Variants in GADL1 observed in about 807,000 individuals in gnomAD.
GADL1 encodes the protein GAD like acidic amino acid decarboxylase 1, also known as acidic amino acid decarboxylase GADL1.
GADL1 carries 71 observed loss-of-function variants against 69.5 expected under a neutral mutation model. The ratio of observed to expected loss-of-function variants is 1.02; its 90% confidence interval spans 0.84 to 1.25. GADL1 has a LOEUF of 1.25. GADL1 is among the 50% of genes most tolerant of loss of function. The pLI is 0.00. For synonymous variants in GADL1, 254 were observed against 214.4 expected (o/e 1.18, Z -1.62); for missense variants, 737 against 631.8 (o/e 1.17, Z -1.79).
chr3:30,867,236 A>C (rs946157347), intron 1 of GADL1, among the ~76,000 whole-genome samples: 4 of 151,854 alleles, frequency 2.6e-5, no homozygotes, highest in African/African-American at 4.8e-5. Context: ...CATTTATATT[A>C]ATAATACTGA....
chr3:30,880,165 C>T (rs1270653081), intron 1 of GADL1, among the ~76,000 whole-genome samples: 1 of 151,830 alleles, frequency 6.6e-6, no homozygotes, highest in Non-Finnish European at 1.5e-5. Context: ...TTTTTAAAAA[C>T]CAACAATGAC....
chr3:30,779,036 A>T (rs948288060), intron 13 of GADL1: 1 of 152,210 alleles, frequency 6.6e-6, no homozygotes, highest in Non-Finnish European at 1.5e-5. Flanking sequence ...ATCATAACCC[A>T]GTTATCTTCC....
intron 1 of GADL1, among the ~76,000 whole-genome samples, chr3:30,875,781 T>C (rs1381814999): frequency 6.6e-6 from 1 of 151,848 alleles, no homozygotes; most frequent in Admixed American, 6.6e-5. Context: ...TGAAGTCAAA[T>C]GCCGTGATGG....
rs770223371 is a variant in GADL1 at position 30,778,231 on chromosome 3, G to A, written c.1340C>T (p.Pro447Leu). 36 of 1,612,186 alleles carry A rather than the reference G, an allele frequency of 2.2e-5. 1 individual carries two copies. The highest frequency in any genetic ancestry group is 3.3e-4 in the Middle Eastern group (2 of 6,052). The change falls in exon 14 of 15, where the codon CCG (proline) becomes CTG (leucine). Residue 447 changes from proline to leucine, a missense_variant. Coordinates refer to ENST00000282538, the MANE Select transcript of GADL1 (RefSeq NM_207359.3). ...TCCTTCTTCCATCTCTCTGAGGCTC[G>A]GTGGAATGTACCAAAAGCAAATATT... ...YANICFWYIP[P>L]SLREMEEGPE... is the part of the protein sequence containing the mutation.
At chr3:30,884,168 C>T (rs977276433) in intron 1 of GADL1, among the ~76,000 whole-genome samples, 1 of 151,978 alleles carries the variant, frequency 6.6e-6, no homozygotes, top group African/African-American at 2.4e-5. Context: ...CCGTCTCTAA[C>T]TTGAAAAGCA....
chr3:30,751,672 C>A (rs528773631), intron 14 of GADL1, among the ~76,000 whole-genome samples: 1 of 152,124 alleles, frequency 6.6e-6, no homozygotes, highest in Non-Finnish European at 1.5e-5. Flanking sequence ...TAAGCCCACC[C>A]CTTCATCTAG....
chr3:30,871,115 G>A (rs1698476511), intron 1 of GADL1, among the ~76,000 whole-genome samples: 1 of 148,312 alleles, frequency 6.7e-6, no homozygotes, highest in Admixed American at 6.9e-5. Flanking sequence ...TGTCCAAGGG[G>A]CAGGGTCTGT....
intron 2 of GADL1, among the ~76,000 whole-genome samples, chr3:30,857,373 C>G (rs1219470968): frequency 6.6e-6 from 1 of 151,960 alleles, no homozygotes; most frequent in African/African-American, 2.4e-5. Context: ...ATACTGATAT[C>G]TAAGTTGTTA....
At chr3:30,893,906 C>T (rs1698818078) in intron 1 of GADL1, among the ~76,000 whole-genome samples, 2 of 152,150 alleles carry the variant, frequency 1.3e-5, no homozygotes, top group South Asian at 2.1e-4. Flanking sequence ...GGAGTTATTC[C>T]TGGAGGATCA....
intron 1 of GADL1, among the ~76,000 whole-genome samples, chr3:30,880,834 A>G (rs1360631324): frequency 6.6e-6 from 1 of 151,940 alleles, no homozygotes; most frequent in Non-Finnish European, 1.5e-5. Flanking sequence ...ATGGAATTGT[A>G]CTCAAATTGA....
chr3:30,826,683 C>T (rs889767992), intron 11 of GADL1, among the ~76,000 whole-genome samples: 7 of 151,386 alleles, frequency 4.6e-5, no homozygotes, highest in Non-Finnish European at 8.8e-5. Context: ...GAATGTCATT[C>T]TGTTCATTAG....
chr3:30,762,299 C>A (rs1696157086), intron 14 of GADL1, among the ~76,000 whole-genome samples: 2 of 152,120 alleles, frequency 1.3e-5, no homozygotes, highest in African/African-American at 4.8e-5. Flanking sequence ...AGGACATATG[C>A]TTTAAAAGGC....
chr3:30,776,701 T>C (rs544054097), intron 14 of GADL1, among the ~76,000 whole-genome samples: 16 of 152,320 alleles, frequency 1.1e-4, no homozygotes, highest in Non-Finnish European at 1.9e-4. Flanking sequence ...TCAGTGACCA[T>C]GACTTAAAGG....
At chr3:30,887,983 G>A (rs1698732142) in intron 1 of GADL1, among the ~76,000 whole-genome samples, 1 of 152,130 alleles carries the variant, frequency 6.6e-6, no homozygotes, top group South Asian at 2.1e-4. Flanking sequence ...ACGTGAAAGG[G>A]TATAATATTT....
chr3:30,811,753 C>A (rs1391879560), intron 11 of GADL1, among the ~76,000 whole-genome samples: 1 of 152,144 alleles, frequency 6.6e-6, no homozygotes, highest in Non-Finnish European at 1.5e-5. Flanking sequence ...AACTCAAGAA[C>A]AATTGGTACA....
intron 10 of GADL1, 99 bp downstream of exon 10, chr3:30,834,118 A>G: frequency 1.8e-6 from 2 of 1,103,030 alleles, no homozygotes; most frequent in African/African-American, 1.6e-5. Context: ...TTTAAGGAAA[A>G]CAATTACTTT....
chr3:30,850,482 A>G (rs1399979966), intron 5 of GADL1, among the ~76,000 whole-genome samples: 2 of 152,158 alleles, frequency 1.3e-5, no homozygotes, highest in Non-Finnish European at 2.9e-5. Flanking sequence ...TCTGGCTACA[A>G]AAAAGGACTA....
At chr3:30,839,869 G>A (rs905355999) in intron 8 of GADL1, among the ~76,000 whole-genome samples, 5 of 152,042 alleles carry the variant, frequency 3.3e-5, no homozygotes, top group East Asian at 1.9e-4. Context: ...TGGTTATCTC[G>A]GTCAAGCTAG....
intron 14 of GADL1, among the ~76,000 whole-genome samples, chr3:30,764,589 T>C (rs1696224981): frequency 6.6e-6 from 1 of 152,168 alleles, no homozygotes; most frequent in Non-Finnish European, 1.5e-5. Context: ...TCGAGAAGCA[T>C]GTCCCAAGCA....
Sources: allele counts gnomAD v4.1 joint callset (sites outside exome capture counted in the v4.1 genomes callset), GRCh38; gene constraint gnomAD v4.1.1; transcripts MANE v1.5; gene names NCBI Gene and HGNC (gene_info 2026-07-23, HGNC 2026-07-21).